Variants in COX16 observed in about 807,000 individuals in gnomAD.
COX16 encodes cytochrome c oxidase assembly factor COX16, also known as cytochrome c oxidase assembly protein COX16 homolog, mitochondrial.
In COX16, 12 loss-of-function variants were observed where a neutral mutation model predicts 15.4. That is an observed-to-expected ratio of 0.78 (90% CI 0.50 to 1.26). COX16 has a LOEUF of 1.26. Ranked by LOEUF, COX16 falls within the 50% of genes most tolerant of loss-of-function variation. The pLI is 0.00. For missense variants in COX16, 124 were observed against 127.6 expected, an observed-to-expected ratio of 0.97 and a Z score of 0.14; for synonymous variants, 46 against 41.1, an observed-to-expected ratio of 1.12 and a Z score of -0.46.
rs770828385 is a variant in COX16, at chr14:70,325,754, TATA to T, written c.*576_*578del. On this transcript the variant is annotated 3_prime_UTR_variant, in exon 4 of 4. Transcript: ENST00000389912. The stretch of plus-strand genomic sequence containing the variant: ...CATAATTTTTGACAACCATAAATAA[TATA>T]ATTTCCTTGACATGTTAATGGTATC... 1 of 151,570 alleles carries T rather than the reference TATA, an allele frequency of 6.6e-6. No homozygotes were observed. The highest frequency in any genetic ancestry group is 1.5e-5 in the Non-Finnish European group (1 of 67,720). 9.4% of individuals were successfully genotyped at this position (151,570 alleles called of 1,614,324 possible).
intron 1 of COX16, among the ~76,000 whole-genome samples, chr14:70,347,077 C>A (rs1257853625): frequency 6.6e-6 from 1 of 152,008 alleles, no homozygotes; most frequent in Non-Finnish European, 1.5e-5. Context: ...ACCACACCCC[C>A]GTCCGCATTA....
intron 3 of COX16, among the ~76,000 whole-genome samples, chr14:70,328,538 G>A (rs1322061388): frequency 6.6e-6 from 1 of 152,130 alleles, no homozygotes; most frequent in Non-Finnish European, 1.5e-5. Flanking sequence ...TTGCTAATTA[G>A]ATGGGTGAAA....
chr14:70,343,931 T>C (rs1886698077), intron 1 of COX16, among the ~76,000 whole-genome samples: 1 of 152,134 alleles, frequency 6.6e-6, no homozygotes, highest in Non-Finnish European at 1.5e-5. Flanking sequence ...TCCCCGAGCA[T>C]TCAGGGATCA....
chr14:70,330,972 TA>T (rs1886268014), intron 2 of COX16, among the ~76,000 whole-genome samples: 1 of 152,178 alleles, frequency 6.6e-6, no homozygotes, highest in South Asian at 2.1e-4. Context: ...AAATGTTTCT[TA>T]AAAATCATAA....
chr14:70,344,086 C>A (rs1886703838), intron 1 of COX16, among the ~76,000 whole-genome samples: 1 of 152,134 alleles, frequency 6.6e-6, no homozygotes, highest in Non-Finnish European at 1.5e-5. Context: ...TGGTTGAGCC[C>A]AATTACCCGT....
intron 1 of COX16, among the ~76,000 whole-genome samples, chr14:70,351,049 A>G (rs944188715): frequency 1.3e-5 from 2 of 152,244 alleles, no homozygotes; most frequent in African/African-American, 4.8e-5. Flanking sequence ...TCAAAAGCTT[A>G]GCCCTTCTAC....
chr14:70,359,182 G>T, intron 1 of COX16: 1 of 478,328 alleles, frequency 2.1e-6, no homozygotes, highest in Non-Finnish European at 4.1e-6. Flanking sequence ...CTTAAAGTGT[G>T]GTTCTGACTG....
intron 2 of COX16, among the ~76,000 whole-genome samples, chr14:70,334,963 C>T (rs183743038): frequency 3.9e-5 from 6 of 152,100 alleles, no homozygotes; most frequent in African/African-American, 1.4e-4. Context: ...GGAAACTCAC[C>T]TCATCTATAA....
At chr14:70,358,371 ATTTTTTTTTTTT>A (rs34871293) in intron 1 of COX16, among the ~76,000 whole-genome samples, 1 of 94,076 alleles carries the variant, frequency 1.1e-5, no homozygotes. Context: ...AAAAACAACA[ATTTTTTTTTTTT>A]TTTTTTTTTT....
chr14:70,352,429 C>G (rs1420960841), intron 1 of COX16, among the ~76,000 whole-genome samples: 1 of 152,044 alleles, frequency 6.6e-6, no homozygotes, highest in Non-Finnish European at 1.5e-5. Context: ...TCAAGTGATC[C>G]ACCCGCCTCA....
chr14:70,356,536 C>T (rs1461764850), intron 1 of COX16, among the ~76,000 whole-genome samples: 1 of 152,058 alleles, frequency 6.6e-6, no homozygotes, highest in Non-Finnish European at 1.5e-5. Context: ...TTTAAAAAGG[C>T]TATGGAGAGA....
intron 2 of COX16, among the ~76,000 whole-genome samples, chr14:70,337,181 A>C (rs139555181): frequency 3.0e-4 from 46 of 152,326 alleles, no homozygotes; most frequent in Non-Finnish European, 5.9e-4. Context: ...ATAAGATAGA[A>C]GTATACCACT....
chr14:70,350,906 C>T (rs937292781), intron 1 of COX16, among the ~76,000 whole-genome samples: 3 of 152,192 alleles, frequency 2.0e-5, no homozygotes, highest in African/African-American at 7.2e-5. Context: ...TATCTCAAAG[C>T]AGCTAACTGA....
intron 1 of COX16, among the ~76,000 whole-genome samples, chr14:70,358,966 G>A (rs1284071596): frequency 6.6e-6 from 1 of 152,146 alleles, no homozygotes; most frequent in Non-Finnish European, 1.5e-5. Context: ...GGCAGGCACC[G>A]TACTCAACAC....
At position 70,326,087 on chromosome 14, in the gene COX16, A is replaced by AT. The variant is rs1308931500; in HGVS notation, c.*245dup. Reference sequence around the variant, plus strand: ...ACTCTGTTTTTGGAGCAGTATTCACATTTTTTATTTCGAGGTGTAAAATAT... The same window carrying AT: ...ACTCTGTTTTTGGAGCAGTATTCACATTTTTTTATTTCGAGGTGTAAAATAT... On this transcript the variant is annotated 3_prime_UTR_variant, in exon 4 of 4. Coordinates refer to ENST00000389912, the MANE Select transcript of COX16 (RefSeq NM_016468.7). 8.8e-6 allele frequency: 2 copies of AT among 228,360 alleles called. No individual in the cohort carries two copies. The highest frequency in any genetic ancestry group is 1.5e-4 in the South Asian group (1 of 6,468). 14.1% of individuals were successfully genotyped at this position (228,360 alleles called of 1,614,324 possible). A position where few individuals can be genotyped will look rare whatever the true frequency, so the allele number is the denominator to read the frequency against.
intron 2 of COX16, 73 bp downstream of exon 2, chr14:70,342,585 T>C: frequency 6.9e-7 from 1 of 1,459,660 alleles, no homozygotes; most frequent in African/African-American, 1.4e-5. Context: ...CTTAGTATAC[T>C]GAGTATACAA....
chr14:70,349,247 C>T (rs1007505769), intron 1 of COX16, among the ~76,000 whole-genome samples: 14 of 152,200 alleles, frequency 9.2e-5, no homozygotes, highest in African/African-American at 2.4e-4. Flanking sequence ...CTCCGGCCAC[C>T]GCCTTTTCCT....
At chr14:70,327,059 T>G (rs1286317950) in intron 3 of COX16, among the ~76,000 whole-genome samples, 1 of 152,084 alleles carries the variant, frequency 6.6e-6, no homozygotes, top group Non-Finnish European at 1.5e-5. Flanking sequence ...AGGGAAGAAA[T>G]AAATGTTTCT....
At chr14:70,351,886 GTATATT>G (rs1216426398) in intron 1 of COX16, among the ~76,000 whole-genome samples, 3 of 152,090 alleles carry the variant, frequency 2.0e-5, no homozygotes, top group Non-Finnish European at 4.4e-5. Context: ...GGTAATACAA[GTATATT>G]TATATAAAAA....
Sources: allele counts gnomAD v4.1 joint callset (sites outside exome capture counted in the v4.1 genomes callset), GRCh38; gene constraint gnomAD v4.1.1; transcripts MANE v1.5; gene names NCBI Gene and HGNC (gene_info 2026-07-23, HGNC 2026-07-21).